The following SLFN5 variants were observed in gnomAD, a reference collection of about 807,000 sequenced individuals.
SLFN5 encodes the protein schlafen family member 5.
In SLFN5, 34 loss-of-function variants were observed where a neutral mutation model predicts 48.5. That is an observed-to-expected ratio of 0.70 (90% confidence interval 0.53 to 0.93). The LOEUF (loss-of-function observed/expected upper bound fraction) is 0.93, where lower values mean the gene tolerates loss of function less well. Among genes scored for constraint, SLFN5 ranks in the 40% least tolerant of loss-of-function variants. The probability of loss-of-function intolerance (pLI) is 0.00; values close to 1 mark genes in which losing one functional copy is unlikely to be tolerated. For synonymous variants in SLFN5, 387 were observed against 396.2 expected (o/e 0.98, Z 0.28); for missense variants, 1,006 against 1,071.3 (o/e 0.94, Z 0.85).
At chr17:35,246,642 G>A (rs998272470) in intron 1 of SLFN5, among the ~76,000 whole-genome samples, 3 of 152,130 alleles carry the variant, frequency 2.0e-5, no homozygotes, top group African/African-American at 7.2e-5. Flanking sequence ...ATCACTTGAG[G>A]TCAGGAGTTT....
At chr17:35,255,399 CAT>C (rs1269958030) in intron 1 of SLFN5, among the ~76,000 whole-genome samples, 1 of 152,176 alleles carries the variant, frequency 6.6e-6, no homozygotes, top group African/African-American at 2.4e-5. Flanking sequence ...ATAAAAACAA[CAT>C]AGAAAACACT....
At position 35,258,773 on chromosome 17, in the gene SLFN5, G is replaced by T; in HGVS notation, c.83G>T (p.Arg28Met). 6.2e-7 allele frequency: 1 copy of T among 1,614,164 alleles called. No homozygotes were observed. Among genetic ancestry groups the T allele is most frequent in the East Asian group, 2.2e-5 (1 of 44,880 alleles). Residue 28 changes from arginine to methionine, a missense_variant, in exon 2 of 5, where the codon AGG becomes ATG. Physicochemically the swap from Arg to Met is moderately conservative, Grantham distance 91. Coordinates refer to ENST00000299977, the MANE Select transcript of SLFN5 (RefSeq NM_144975.4). ...AGKVTLGTQQ[R>M]QEMDPRLREK... Reference sequence around the variant, plus strand: ...AAAGTCACCCTTGGGACTCAGCAGAGGCAGGAGATGGACCCTCGCCTGCGG... The same window carrying T: ...AAAGTCACCCTTGGGACTCAGCAGATGCAGGAGATGGACCCTCGCCTGCGG...
chr17:35,259,684 A>G lies in SLFN5; in HGVS notation c.994A>G (p.Met332Val). Residue 332 changes from methionine (M) to valine (V), a missense_variant, in exon 2 of 5, where the codon ATG (methionine) becomes GTG (valine). By Grantham distance (21) the Met-to-Val change is conservative. Coordinates refer to ENST00000299977, the MANE Select transcript of SLFN5 (RefSeq NM_144975.4). Reference protein sequence around the residue: ...QLPTREWTAWMMEADPDLSRC... With the variant: ...QLPTREWTAWVMEADPDLSRC... ...GCCCACAAGAGAATGGACTGCTTGG[A>G]TGATGGAAGCTGACCCAGGTTAGGG... 1 of 1,599,918 alleles carries G rather than the reference A, an allele frequency of 6.3e-7. No individual in the cohort carries two copies. Among genetic ancestry groups the G allele is most frequent in the Non-Finnish European group, 8.5e-7 (1 of 1,179,662 alleles).
chr17:35,265,171 T>C lies in SLFN5; in HGVS notation c.1959T>C (p.Asn653=). 2 of 1,614,200 alleles carry C rather than the reference T, an allele frequency of 1.2e-6. No homozygotes were observed. Among genetic ancestry groups the C allele is most frequent in the Non-Finnish European group, 1.7e-6 (2 of 1,180,028 alleles). ...ACATTATCATTGATGACGCTCAGAA[T>C]TTCCGTACTGAAGATGGGGACTGGT... ...IQHIIIDDAQ[N]FRTEDGDWYG... is the part of the protein sequence containing the mutation. The change falls in exon 5 of 5, where the codon AAT becomes AAC. Residue 653 remains asparagine, a synonymous_variant. Coordinates refer to ENST00000299977, the MANE Select transcript of SLFN5 (RefSeq NM_144975.4).
rs1904792882 is a variant in SLFN5, at chr17:35,270,006, T to C, written c.*4118T>C. The C allele has an allele frequency of 6.6e-6, 1 of 152,224 alleles. No homozygotes were observed. Among genetic ancestry groups the C allele is most frequent in the South Asian group, 2.1e-4 (1 of 4,832 alleles). The allele number at this position is 152,224 out of a possible 1,614,324, so 9.4% of individuals were successfully genotyped here. ...TTCCTGTAACTGAAAGTTCTTGAGT[T>C]AAAGAAAAATATTCGGTAGTTCAGC... On this transcript the variant is annotated 3_prime_UTR_variant, in exon 5 of 5. Transcript: ENST00000299977.
chr17:35,269,703 C>CTCAA lies in SLFN5; in HGVS notation c.*3816_*3819dup, dbSNP rs754610525. On this transcript the variant is annotated 3_prime_UTR_variant, in exon 5 of 5. Coordinates refer to ENST00000299977, the MANE Select transcript of SLFN5 (RefSeq NM_144975.4). ...GCACTTATTTAGTTTGCATACCGTA[C>CTCAA]TCAACTCTTAGCTAGCATAGGGCAG... is the stretch of plus-strand genomic sequence containing the variant. 9.9e-5 allele frequency: 15 copies of CTCAA among 152,150 alleles called. No homozygotes were observed. Among genetic ancestry groups the CTCAA allele is most frequent in the Non-Finnish European group, 2.1e-4 (14 of 68,026 alleles). The allele number at this position is 152,150 out of a possible 1,614,324, so 9.4% of individuals were successfully genotyped here. A position where few individuals can be genotyped will look rare whatever the true frequency, so the allele number is the denominator to read the frequency against.
chr17:35,252,029 C>T (rs185018021), intron 1 of SLFN5, among the ~76,000 whole-genome samples: 3 of 152,078 alleles, frequency 2.0e-5, no homozygotes, highest in African/African-American at 7.2e-5. Flanking sequence ...CTTGCTGGCA[C>T]CAAATTATTT....
At position 35,272,243 on chromosome 17, in the gene SLFN5, C is replaced by T. The variant is rs1904849491; in HGVS notation, c.*6355C>T. ...TAAAATACATGTTGAAATGTATTAA[C>T]AGCATATGTTAAAGTTAAGTTATGT... is the stretch of plus-strand genomic sequence containing the variant. On this transcript the variant is annotated 3_prime_UTR_variant, in exon 5 of 5. Transcript: ENST00000299977. The T allele has an allele frequency of 1.3e-5, 2 of 151,986 alleles. No individual in the cohort carries two copies. Among genetic ancestry groups the T allele is most frequent in the South Asian group, 2.1e-4 (1 of 4,826 alleles). The allele number at this position is 151,986 out of a possible 1,614,324, so 9.4% of individuals were successfully genotyped here. A position where few individuals can be genotyped will look rare whatever the true frequency, so the allele number is the denominator to read the frequency against.
chr17:35,266,409 G>A lies in SLFN5; in HGVS notation c.*521G>A, dbSNP rs569714067. 1.3e-5 allele frequency: 2 copies of A among 152,458 alleles called. No individual in the cohort carries two copies. Among genetic ancestry groups the A allele is most frequent in the African/African-American group, 2.4e-5 (1 of 41,426 alleles). The allele number at this position is 152,458 out of a possible 1,614,324, so 9.4% of individuals were successfully genotyped here. A position where few individuals can be genotyped will look rare whatever the true frequency, so the allele number is the denominator to read the frequency against. On this transcript the variant is annotated 3_prime_UTR_variant, in exon 5 of 5. Coordinates refer to ENST00000299977, the MANE Select transcript of SLFN5 (RefSeq NM_144975.4). ...TAGCTCATCTGGCCTTGTAGGTGCC[G>A]GGAACGGGCAAGACATGTTTTGAAA...
chr17:35,248,893 G>T lies in SLFN5; in HGVS notation c.-41+5750G>T, dbSNP rs11080329. On this transcript the variant is annotated intron_variant, in intron 1 of 4. Coordinates refer to ENST00000299977, the MANE Select transcript of SLFN5 (RefSeq NM_144975.4). ...AGGTGCTAAATCCTGGAGGGCAAAA[G>T]CTGATTGGACAGACTCAGAAAGGGA... Among the ~76,000 whole-genome samples, 923 of 152,216 alleles carry T rather than the reference G, an allele frequency of 6.1e-3. 7 individuals carry two copies. Among genetic ancestry groups the T allele is most frequent in the Middle Eastern group, 0.024 (7 of 294 alleles).
chr17:35,260,831 G>A, intron 2 of SLFN5, 140 bp from the exon 3 acceptor site: 1 of 1,029,240 alleles, frequency 9.7e-7, no homozygotes, highest in Non-Finnish European at 1.3e-6. Context: ...GCTTTCCTGA[G>A]CTGACCTGAG....
Position 35,266,173 on chromosome 17 carries a change from T to TGC in SLFN5, c.*286_*287insCG, listed in dbSNP as rs1281312888. 9.1e-4 allele frequency: 227 copies of TGC among 250,476 alleles called. 1 individual carries two copies. The highest frequency in any genetic ancestry group is 4.1e-3 in the African/African-American group (156 of 38,102). The allele number at this position is 250,476 out of a possible 1,614,324, so 15.5% of individuals were successfully genotyped here. On this transcript the variant is annotated 3_prime_UTR_variant, in exon 5 of 5. Transcript: ENST00000299977. Reference sequence around the variant, plus strand: ...GTGTGTGTGTGTGTGTGTGTGTGTGTGTGTGCGCGCGCGCACGTGCACATG... The same window carrying TGC: ...GTGTGTGTGTGTGTGTGTGTGTGTGTGCGTGTGCGCGCGCGCACGTGCACATG...
chr17:35,253,376 C>G (rs936781723), intron 1 of SLFN5, among the ~76,000 whole-genome samples: 1 of 151,960 alleles, frequency 6.6e-6, no homozygotes, highest in African/African-American at 2.4e-5. Context: ...CTCTCTCTCT[C>G]TTTTAAATCT....
At chr17:35,248,653 C>T (rs2092435973) in intron 1 of SLFN5, among the ~76,000 whole-genome samples, 1 of 151,910 alleles carries the variant, frequency 6.6e-6, no homozygotes. Flanking sequence ...ATTCCAGTTG[C>T]CTCTGAATAT....
Position 35,265,138 on chromosome 17 carries a change from C to T in SLFN5, c.1926C>T (p.His642=), listed in dbSNP as rs1360083390. ...CCTTCATGAAAAACAACTTTGAACA[C>T]ATCCAGCACATTATCATTGATGACG... ...RKTFMKNNFE[H]IQHIIIDDAQ... The change falls in exon 5 of 5, where the codon CAC becomes CAT. Residue 642 remains histidine (H), a synonymous_variant. Transcript: ENST00000299977. 4.3e-6 allele frequency: 7 copies of T among 1,614,208 alleles called. No individual in the cohort carries two copies. The highest frequency in any genetic ancestry group is 5.9e-6 in the Non-Finnish European group (7 of 1,180,030).
At chr17:35,252,206 G>A (rs1239520875) in intron 1 of SLFN5, among the ~76,000 whole-genome samples, 3 of 152,138 alleles carry the variant, frequency 2.0e-5, no homozygotes. Context: ...GAGGCAGGAG[G>A]ATTGCTTGAG....
intron 1 of SLFN5, among the ~76,000 whole-genome samples, chr17:35,243,465 G>A (rs2092423684): frequency 6.6e-6 from 1 of 152,204 alleles, no homozygotes; most frequent in Non-Finnish European, 1.5e-5. Context: ...CACGGTTCAG[G>A]AGCACGAAGG....
intron 1 of SLFN5, 108 bp from the exon 2 acceptor site, chr17:35,258,543 C>G (rs998014588): frequency 3.6e-6 from 3 of 832,188 alleles, no homozygotes; most frequent in Non-Finnish European, 5.4e-6. Context: ...CAAATCATAT[C>G]AGGAATAAAT....
At chr17:35,260,917 A>G (rs1904501803) in intron 2 of SLFN5, 54 bp from the exon 3 acceptor site, 15 of 1,603,048 alleles carry the variant, frequency 9.4e-6, no homozygotes, top group South Asian at 7.7e-5. Context: ...CAGCTCAGCT[A>G]TAAGTTGGGG....
Sources: allele counts gnomAD v4.1 joint callset (sites outside exome capture counted in the v4.1 genomes callset), GRCh38; gene constraint gnomAD v4.1.1; transcripts MANE v1.5; gene names NCBI Gene and HGNC (gene_info 2026-07-23, HGNC 2026-07-21).